Variants in PALD1 observed in about 807,000 individuals in gnomAD.
The protein encoded by PALD1 is phosphatase domain containing paladin 1.
A neutral mutation model predicts 96.0 loss-of-function variants in PALD1; 57 were observed. That is an observed-to-expected ratio of 0.59 (90% confidence interval 0.48 to 0.74). PALD1 has a LOEUF of 0.74. PALD1 is among the 30% of genes least tolerant of loss of function. The pLI, the probability that PALD1 is intolerant of heterozygous loss-of-function variation, is 0.00. For missense variants in PALD1, 1,063 were observed against 1,143.7 expected, an observed-to-expected ratio of 0.93 and a Z score of 1.02; for synonymous variants, 464 against 473.6, an observed-to-expected ratio of 0.98 and a Z score of 0.26.
intron 18 of PALD1, among the ~76,000 whole-genome samples, chr10:70,557,980 C>T (rs12269227): frequency 0.097 from 13,017 of 133,788 alleles, 1,156 homozygotes; most frequent in East Asian, 0.55. Flanking sequence ...GTCACCCAGG[C>T]TGCAGTGCAG....
At chr10:70,545,830 G>T (rs938842997) in intron 17 of PALD1, among the ~76,000 whole-genome samples, 2 of 152,008 alleles carry the variant, frequency 1.3e-5, no homozygotes, top group African/African-American at 4.8e-5. Context: ...GGGTGGGGAG[G>T]CTTCTTACAC....
intron 16 of PALD1, 68 bp downstream of exon 16, chr10:70,541,310 A>G: frequency 6.4e-7 from 1 of 1,553,194 alleles, no homozygotes; most frequent in East Asian, 2.3e-5. Context: ...GGTCCCAGGC[A>G]CACTGGCTCC....
chr10:70,505,278 G>T (rs1193220433), intron 1 of PALD1, among the ~76,000 whole-genome samples: 2 of 152,132 alleles, frequency 1.3e-5, no homozygotes. Flanking sequence ...GAAGGGACAG[G>T]CTCACTTTAC....
At chr10:70,458,962 C>T in the PALD1 span, among the ~76,000 whole-genome samples, 3 of 152,236 alleles carry the variant, frequency 2.0e-5, no homozygotes, top group Non-Finnish European at 4.4e-5. Context: ...CACACCATCA[C>T]CGCCTTACCG....
At chr10:70,516,276 G>A (rs1339540499) in intron 1 of PALD1, among the ~76,000 whole-genome samples, 3 of 151,810 alleles carry the variant, frequency 2.0e-5, no homozygotes, top group African/African-American at 4.8e-5. Flanking sequence ...GACTACAGGC[G>A]TGCAACCACC....
intron 1 of PALD1, 39 bp downstream of exon 1, chr10:70,479,098 G>C (rs1459112613): frequency 6.6e-6 from 1 of 152,478 alleles, no homozygotes; most frequent in Non-Finnish European, 1.5e-5. Flanking sequence ...CGAGGGGAGG[G>C]CAAATCTGGA....
At chr10:70,557,373 G>A (rs1847632372) in intron 18 of PALD1, among the ~76,000 whole-genome samples, 1 of 152,200 alleles carries the variant, frequency 6.6e-6, no homozygotes, top group Non-Finnish European at 1.5e-5. Context: ...TGAGGAACGA[G>A]ACTGTGTCCT....
Position 70,540,952 on chromosome 10 carries a change from C to A in PALD1, c.1909-150C>A. ...TACACGCACATGGTCTCATGCACCC[C>A]GGTGAGTTTTGTTTGTGTGTGCAAG... On this transcript the variant is annotated intron_variant, in intron 15 of 19. Coordinates refer to ENST00000263563, the MANE Select transcript of PALD1 (RefSeq NM_014431.3). The surrounding 1 kb of genome is among the most constrained non-coding windows in gnomAD (Gnocchi z 4.2). 1.3e-6 allele frequency: 1 copy of A among 776,274 alleles called. No homozygotes were observed. The highest frequency in any genetic ancestry group is 2.1e-6 in the Non-Finnish European group (1 of 482,720). 48.1% of individuals were successfully genotyped at this position (776,274 alleles called of 1,614,324 possible).
chr10:70,520,828 A>G (rs1411723930), intron 1 of PALD1, among the ~76,000 whole-genome samples: 6 of 150,600 alleles, frequency 4.0e-5, no homozygotes, highest in Non-Finnish European at 7.4e-5. Flanking sequence ...AGTAGCTGGG[A>G]TTACAGGCGC....
chr10:70,483,613 C>T (rs1344266486), intron 1 of PALD1, among the ~76,000 whole-genome samples: 3 of 152,150 alleles, frequency 2.0e-5, no homozygotes, highest in African/African-American at 7.2e-5. Flanking sequence ...ACCCTGCCAG[C>T]TTCTGCATCC....
rs1251975095 is a variant in PALD1, at chr10:70,540,577, G to C, written c.1909-525G>C. On this transcript the variant is annotated intron_variant, in intron 15 of 19. Transcript: ENST00000263563. The surrounding 1 kb of genome is among the most constrained non-coding windows in gnomAD (Gnocchi z 4.2). ...TGTTGTAGGTGGGTCGCTGTGTGCTGTGTAACTGGCAATGGGGTCTGTTAC... is the reference window on the plus strand; with the variant it reads ...TGTTGTAGGTGGGTCGCTGTGTGCTCTGTAACTGGCAATGGGGTCTGTTAC... Among the ~76,000 whole-genome samples, 1 of 152,074 alleles carries C rather than the reference G, an allele frequency of 6.6e-6. No individual in the cohort carries two copies. The highest frequency in any genetic ancestry group is 1.5e-5 in the Non-Finnish European group (1 of 67,980).
Position 70,566,758 on chromosome 10 carries a change from C to A in PALD1, c.*25C>A. 6.7e-7 allele frequency: 1 copy of A among 1,502,708 alleles called. No individual in the cohort carries two copies. The highest frequency in any genetic ancestry group is 9.0e-7 in the Non-Finnish European group (1 of 1,105,752). 93.1% of individuals were successfully genotyped at this position (1,502,708 alleles called of 1,614,324 possible). A position where few individuals can be genotyped will look rare whatever the true frequency, so the allele number is the denominator to read the frequency against. The stretch of plus-strand genomic sequence containing the variant: ...GGGGGCCTTACTCCCTGTCCCCCCA[C>A]CCACAGGGCCCCACGCAGGCCTGGG... On this transcript the variant is annotated 3_prime_UTR_variant, in exon 20 of 20. Coordinates refer to ENST00000263563, the MANE Select transcript of PALD1 (RefSeq NM_014431.3).
chr10:70,565,664 T>C (rs1036776694), intron 19 of PALD1, among the ~76,000 whole-genome samples: 23 of 152,108 alleles, frequency 1.5e-4, no homozygotes, highest in African/African-American at 5.3e-4. Flanking sequence ...GCATTTGAAA[T>C]GCCCCCGGTG....
At chr10:70,535,166 T>G (rs1355732827) in intron 10 of PALD1, among the ~76,000 whole-genome samples, 2 of 152,216 alleles carry the variant, frequency 1.3e-5, no homozygotes, top group Non-Finnish European at 2.9e-5. Flanking sequence ...CTAGTAAAAC[T>G]CCTGGTGTTT....
In PALD1 at chr10:70,531,268, T is replaced by C. The variant is rs200282610; in HGVS notation, c.469-22T>C. 5.0e-6 allele frequency: 8 copies of C among 1,603,688 alleles called. No individual in the cohort carries two copies. The African/African-American group carries it at 1.1e-4, about 21-fold the overall frequency. On this transcript the variant is annotated intron_variant, in intron 4 of 19. Transcript: ENST00000263563. ...GTGCGGGATCATGATGATGGCTTCCTTCCCCCTCGGGCTCCTGGCAGGAGT... is the reference window on the plus strand; with the variant it reads ...GTGCGGGATCATGATGATGGCTTCCCTCCCCCTCGGGCTCCTGGCAGGAGT...
intron 1 of PALD1, among the ~76,000 whole-genome samples, chr10:70,479,290 C>T (rs1242852750): frequency 6.6e-6 from 1 of 152,214 alleles, no homozygotes; most frequent in Non-Finnish European, 1.5e-5. Flanking sequence ...ACCCCCTCTC[C>T]CGAGTTCCCT....
chr10:70,491,492 G>A (rs1846098548), intron 1 of PALD1, among the ~76,000 whole-genome samples: 1 of 152,066 alleles, frequency 6.6e-6, no homozygotes, highest in Non-Finnish European at 1.5e-5. Context: ...TCATGGAGAA[G>A]GAACTGGATT....
intron 19 of PALD1, among the ~76,000 whole-genome samples, chr10:70,565,424 C>T (rs1847824445): frequency 6.6e-6 from 1 of 152,238 alleles, no homozygotes; most frequent in East Asian, 1.9e-4. Flanking sequence ...TGCCAGGAAG[C>T]TGGCCCCTCC....
In PALD1 at chr10:70,541,601, C is replaced by T. The variant is rs182679943; in HGVS notation, c.2121+67C>T. The T allele has an allele frequency of 1.2e-4, 148 of 1,201,938 alleles. No homozygotes were observed. In the African/African-American group the frequency reaches 1.8e-3, roughly 14 times the overall value. The allele number at this position is 1,201,938 out of a possible 1,614,324, so 74.5% of individuals were successfully genotyped here. A position where few individuals can be genotyped will look rare whatever the true frequency, so the allele number is the denominator to read the frequency against. Reference sequence around the variant, plus strand: ...GAGGAGGAGGAGGACTCCTGCTTGCCGGTCTAGGGGTCCTCAAAGCACGTC... The same window carrying T: ...GAGGAGGAGGAGGACTCCTGCTTGCTGGTCTAGGGGTCCTCAAAGCACGTC... On this transcript the variant is annotated intron_variant, in intron 17 of 19. Transcript: ENST00000263563.
Sources: allele counts gnomAD v4.1 joint callset (sites outside exome capture counted in the v4.1 genomes callset), GRCh38; gene constraint gnomAD v4.1.1; non-coding constraint Gnocchi (gnomAD v3.1); transcripts MANE v1.5; gene names NCBI Gene and HGNC (gene_info 2026-07-23, HGNC 2026-07-21).